The following GLCCI1 variants were observed in gnomAD, a reference collection of about 807,000 sequenced individuals.
The protein encoded by GLCCI1 is glucocorticoid induced 1.
Under a neutral mutation model 52.2 loss-of-function variants are expected in GLCCI1, and 24 were observed. The ratio of observed to expected loss-of-function variants is 0.46; its 90% CI spans 0.33 to 0.65. The LOEUF (loss-of-function observed/expected upper bound fraction) is 0.65. Among genes scored for constraint, GLCCI1 ranks in the 30% least tolerant of loss-of-function variants. The pLI, the probability that GLCCI1 is intolerant of heterozygous loss-of-function variation, is 0.02. For missense variants in GLCCI1, 704 were observed against 701.5 expected (o/e 1.00, Z -0.04); for synonymous variants, 310 against 276.5 (o/e 1.12, Z -1.20).
chr7:8,088,190 G>A lies in GLCCI1; in HGVS notation c.*1652G>A, dbSNP rs975108463. The A allele has an allele frequency of 3.3e-5, 5 of 151,590 alleles. No homozygotes were observed. The highest frequency in any genetic ancestry group is 3.3e-4 in the Admixed American group (5 of 15,164). 9.4% of individuals were successfully genotyped at this position (151,590 alleles called of 1,614,324 possible). A position where few individuals can be genotyped will look rare whatever the true frequency, so the allele number is the denominator to read the frequency against. ...AGAAGGATGAGTGATAGAGAAGAAA[G>A]CAACACCATTGATTTTTTTTTTTAA... is the stretch of plus-strand genomic sequence containing the variant. On this transcript the variant is annotated 3_prime_UTR_variant, in exon 8 of 8. Coordinates refer to ENST00000223145, the MANE Select transcript of GLCCI1 (RefSeq NM_138426.4).
chr7:8,081,192 C>T (rs774019471), intron 6 of GLCCI1, among the ~76,000 whole-genome samples: 2 of 152,172 alleles, frequency 1.3e-5, no homozygotes, highest in Non-Finnish European at 2.9e-5. Flanking sequence ...AGCTTTACCC[C>T]CCACCTCCCT....
intron 5 of GLCCI1, among the ~76,000 whole-genome samples, chr7:8,067,183 G>C (rs922515189): frequency 1.2e-4 from 18 of 152,154 alleles, no homozygotes; most frequent in African/African-American, 4.1e-4. Flanking sequence ...TGTTTTGTCT[G>C]AAATTAGAAT....
chr7:8,049,426 A>G (rs1197218915), intron 3 of GLCCI1, among the ~76,000 whole-genome samples: 1 of 152,190 alleles, frequency 6.6e-6, no homozygotes, highest in Non-Finnish European at 1.5e-5. Context: ...AATCAAAGGA[A>G]TTATGTTATA....
At chr7:7,977,990 A>T (rs1389321693) in intron 1 of GLCCI1, among the ~76,000 whole-genome samples, 1 of 152,172 alleles carries the variant, frequency 6.6e-6, no homozygotes, top group Non-Finnish European at 1.5e-5. Context: ...TTATACAGTT[A>T]AGTCATAGAA....
intron 6 of GLCCI1, among the ~76,000 whole-genome samples, chr7:8,081,587 A>G (rs1346373593): frequency 1.3e-5 from 2 of 152,232 alleles, no homozygotes; most frequent in African/African-American, 4.8e-5. Flanking sequence ...GGGCCCCACA[A>G]TATACCAGAT....
chr7:8,008,413 G>A (rs1781199720), intron 2 of GLCCI1, among the ~76,000 whole-genome samples: 1 of 151,666 alleles, frequency 6.6e-6, no homozygotes, highest in South Asian at 2.1e-4. Context: ...AGCCTCCCAA[G>A]TAGCTGGGAA....
intron 4 of GLCCI1, among the ~76,000 whole-genome samples, chr7:8,059,581 G>C (rs569423108): frequency 1.3e-5 from 2 of 152,244 alleles, no homozygotes; most frequent in African/African-American, 4.8e-5. Flanking sequence ...GTGAGTTGTT[G>C]AACTTAGCAT....
intron 3 of GLCCI1, among the ~76,000 whole-genome samples, chr7:8,033,796 C>CA (rs1463195327): frequency 2.6e-5 from 4 of 151,982 alleles, no homozygotes; most frequent in African/African-American, 9.7e-5. Flanking sequence ...TTGGAAGAAT[C>CA]AATAGTAAGA....
intron 6 of GLCCI1, among the ~76,000 whole-genome samples, chr7:8,077,286 A>C (rs1782894792): frequency 6.6e-6 from 1 of 151,898 alleles, no homozygotes; most frequent in Admixed American, 6.6e-5. Flanking sequence ...CATAGGGACC[A>C]CTCCTTACAC....
intron 4 of GLCCI1, among the ~76,000 whole-genome samples, chr7:8,056,684 A>G (rs976254597): frequency 4.6e-5 from 7 of 152,224 alleles, no homozygotes; most frequent in African/African-American, 1.4e-4. Context: ...TCAGAAAACC[A>G]AAGTAGAAAA....
chr7:7,998,936 T>C (rs1780999424), intron 1 of GLCCI1, among the ~76,000 whole-genome samples: 1 of 152,110 alleles, frequency 6.6e-6, no homozygotes, highest in South Asian at 2.1e-4. Context: ...ATATAATTTC[T>C]GTATTTTTAT....
chr7:8,043,856 C>A (rs1288563966), intron 3 of GLCCI1, among the ~76,000 whole-genome samples: 3 of 151,218 alleles, frequency 2.0e-5, no homozygotes, highest in Non-Finnish European at 4.4e-5. Flanking sequence ...GAAGACCGAA[C>A]ATGAAAATAG....
At position 8,012,432 on chromosome 7, in the gene GLCCI1, C is replaced by CTTTTTTTTTTTTTTTTTTTTTTT. The variant is rs71014746; in HGVS notation, c.609+8381_609+8403dup. 4.3e-5 allele frequency among the ~76,000 whole-genome samples: 3 copies of CTTTTTTTTTTTTTTTTTTTTTTT among 70,396 alleles called. 1 individual carries two copies. The highest frequency in any genetic ancestry group is 7.6e-5 in the Non-Finnish European group (3 of 39,574). 46.2% of individuals were successfully genotyped at this position (70,396 alleles called of 152,430 possible). ...CCATTCTGTGGGTTGCCTTTTTATTCTTTTTTTTTTTTTTTTTTTTTTTTT... is the reference window on the plus strand; with the variant it reads ...CCATTCTGTGGGTTGCCTTTTTATTCTTTTTTTTTTTTTTTTTTTTTTTTTTTTTTTTTTTTTTTTTTTTTTTT... On this transcript the variant is annotated intron_variant, in intron 2 of 7. Transcript: ENST00000223145.
intron 5 of GLCCI1, among the ~76,000 whole-genome samples, chr7:8,065,618 T>C (rs540996727): frequency 1.3e-5 from 2 of 152,338 alleles, no homozygotes; most frequent in East Asian, 1.9e-4. Context: ...TGAAGGGATG[T>C]TGGATTTTAT....
intron 2 of GLCCI1, among the ~76,000 whole-genome samples, chr7:8,005,033 TA>T (rs1781119644): frequency 6.6e-6 from 1 of 152,206 alleles, no homozygotes; most frequent in South Asian, 2.1e-4. Flanking sequence ...TGTAATGTTT[TA>T]TGCTGCTCTA....
intron 3 of GLCCI1, among the ~76,000 whole-genome samples, chr7:8,044,164 C>G (rs896563649): frequency 6.6e-6 from 1 of 151,930 alleles, no homozygotes; most frequent in African/African-American, 2.4e-5. Context: ...CCAGGATAGT[C>G]TTGATTTCCT....
Position 8,086,808 on chromosome 7 carries a change from G to A in GLCCI1, c.*270G>A. 1 of 352,272 alleles carries A rather than the reference G, an allele frequency of 2.8e-6. No individual in the cohort carries two copies. The highest frequency in any genetic ancestry group is 6.8e-5 in the South Asian group (1 of 14,642). 21.8% of individuals were successfully genotyped at this position (352,272 alleles called of 1,614,324 possible). A position where few individuals can be genotyped will look rare whatever the true frequency, so the allele number is the denominator to read the frequency against. The stretch of plus-strand genomic sequence containing the variant: ...AGTATATTTGACAGATTAGTACTGT[G>A]TCCTGTGTTTTGTTCCAGATTCTTC... On this transcript the variant is annotated 3_prime_UTR_variant, in exon 8 of 8. Coordinates refer to ENST00000223145, the MANE Select transcript of GLCCI1 (RefSeq NM_138426.4). The surrounding 1 kb of genome is among the most constrained non-coding windows in gnomAD (Gnocchi z 4.4).
chr7:8,086,375 T>C lies in GLCCI1; in HGVS notation c.1481T>C (p.Val494Ala), dbSNP rs1783106923. 4.3e-6 allele frequency: 7 copies of C among 1,614,170 alleles called. 1 individual carries two copies. Among genetic ancestry groups the C allele is most frequent in the Non-Finnish European group, 4.2e-6 (5 of 1,180,016 alleles). The change falls in exon 8 of 8, where the codon GTT (valine) becomes GCT (alanine). Residue 494 changes from valine to alanine, a missense_variant. Coordinates refer to ENST00000223145, the MANE Select transcript of GLCCI1 (RefSeq NM_138426.4). The surrounding 1 kb of genome is among the most constrained non-coding windows in gnomAD (Gnocchi z 4.4). ...GQSSALATLT[V>A]EQLSSRVSFT... is the part of the protein sequence containing the mutation. ...AGCTCAGCTTTGGCAACTCTGACCG[T>C]TGAGCAGCTCTCATCCCGGGTTTCC...
chr7:7,977,125 A>G (rs1032831833), intron 1 of GLCCI1, among the ~76,000 whole-genome samples: 10 of 152,200 alleles, frequency 6.6e-5, no homozygotes, highest in African/African-American at 1.2e-4. Flanking sequence ...TAACTTTTAC[A>G]TTACTAAAAA....
Sources: allele counts gnomAD v4.1 joint callset (sites outside exome capture counted in the v4.1 genomes callset), GRCh38; gene constraint gnomAD v4.1.1; non-coding constraint Gnocchi (gnomAD v3.1); transcripts MANE v1.5; gene names NCBI Gene and HGNC (gene_info 2026-07-23, HGNC 2026-07-21).